The following CMC2 variants were observed in gnomAD, a reference collection of about 807,000 sequenced individuals.
CMC2 encodes C-X9-C motif containing 2.
Under a neutral mutation model 7.5 loss-of-function variants are expected in CMC2, and 5 were observed. The observed-to-expected ratio is 0.66, with a 90% CI of 0.35 to 1.40. The LOEUF is 1.40. Among genes scored for constraint, CMC2 ranks in the 40% most tolerant of loss-of-function variants. The probability of loss-of-function intolerance (pLI) is 0.04; values close to 1 mark genes in which losing one functional copy is unlikely to be tolerated. For synonymous variants in CMC2, 37 were observed against 31.4 expected (o/e 1.18, Z -0.60); for missense variants, 115 against 92.3 (o/e 1.25, Z -1.01).
At chr16:80,978,878 A>G (rs144722172) in intron 3 of CMC2, among the ~76,000 whole-genome samples, 123 of 152,226 alleles carry the variant, frequency 8.1e-4, no homozygotes, top group South Asian at 1.9e-3. Context: ...TCAGAAGATC[A>G]AGACCATCCT....
rs138889800 is a variant in CMC2, at chr16:80,978,808, G to A, written c.154-2629C>T. On this transcript the variant is annotated intron_variant, in intron 3 of 3. Coordinates refer to ENST00000219400, the MANE Select transcript of CMC2 (RefSeq NM_020188.5). Reference sequence around the variant, plus strand: ...CTTAAAAGCTTCATGGAGGCTGGGCGCAGTGGCTCACGCCTGTAACCCCAG... The same window carrying A: ...CTTAAAAGCTTCATGGAGGCTGGGCACAGTGGCTCACGCCTGTAACCCCAG... Among the ~76,000 whole-genome samples the A allele has an allele frequency of 2.7e-3, 414 of 152,264 alleles. 4 individuals carry two copies. Among genetic ancestry groups the A allele is most frequent in the African/African-American group, 9.1e-3 (377 of 41,550 alleles).
Position 80,969,957 on chromosome 16 carries a change from T to C in CMC2, c.*6136A>G, listed in dbSNP as rs1466611477. 2 of 152,118 alleles carry C rather than the reference T, an allele frequency of 1.3e-5. No individual in the cohort carries two copies. The highest frequency in any genetic ancestry group is 2.4e-5 in the African/African-American group (1 of 41,416). The allele number at this position is 152,118 out of a possible 1,614,324, so 9.4% of individuals were successfully genotyped here. On this transcript the variant is annotated 3_prime_UTR_variant, in exon 4 of 4. Coordinates refer to ENST00000219400, the MANE Select transcript of CMC2 (RefSeq NM_020188.5). ...ACTTCCTTAGGAATCTGCTGGAAAA[T>C]GAGGCTCAGACAACCAAAATGACTA...
chr16:80,971,584 A>ATATATATATATATATGTG lies in CMC2; in HGVS notation c.*4508_*4509insCACATATATATATATATA. ...ACATTTTATATATATATATATATATATGTATGAAATCATGCATATATATAT... is the reference window on the plus strand; with the variant it reads ...ACATTTTATATATATATATATATATATATATATATATATATGTGTGTATGAAATCATGCATATATATAT... On this transcript the variant is annotated 3_prime_UTR_variant, in exon 4 of 4. Transcript: ENST00000219400. 7.2e-6 allele frequency: 1 copy of ATATATATATATATATGTG among 139,580 alleles called. No individual in the cohort carries two copies. Among genetic ancestry groups the ATATATATATATATATGTG allele is most frequent in the Admixed American group, 7.0e-5 (1 of 14,248 alleles). The allele number at this position is 139,580 out of a possible 1,614,324, so 8.6% of individuals were successfully genotyped here.
intron 2 of CMC2, among the ~76,000 whole-genome samples, chr16:80,993,398 A>G (rs2549859): frequency 0.65 from 98,986 of 151,902 alleles, 34,013 homozygotes; most frequent in South Asian, 0.8. Flanking sequence ...CGTCAGAGGA[A>G]TTCGGGCAGG....
Position 80,976,195 on chromosome 16 carries a change from AGG to A in CMC2, c.154-18_154-17del. 2 of 1,415,314 alleles carry A rather than the reference AGG, an allele frequency of 1.4e-6. No individual in the cohort carries two copies. The highest frequency in any genetic ancestry group is 2.0e-6 in the Non-Finnish European group (2 of 1,016,526). 87.7% of individuals were successfully genotyped at this position (1,415,314 alleles called of 1,614,324 possible). A position where few individuals can be genotyped will look rare whatever the true frequency, so the allele number is the denominator to read the frequency against. The stretch of plus-strand genomic sequence containing the variant: ...TTTCTACGTACTGAAAAATAAAAGA[AGG>A]GGGGGAGAAAAGAAACAGCAGATTA... On this transcript the variant is annotated splice_polypyrimidine_tract_variant and intron_variant, in intron 3 of 3. Transcript: ENST00000219400.
At chr16:80,991,873 T>A in intron 2 of CMC2, 1 of 450,546 alleles carries the variant, frequency 2.2e-6, no homozygotes, top group Non-Finnish European at 4.5e-6. Flanking sequence ...CCTTTTCGGG[T>A]CATCAAAAAC....
intron 2 of CMC2, among the ~76,000 whole-genome samples, chr16:80,994,256 C>T (rs956254457): frequency 1.3e-5 from 2 of 151,724 alleles, no homozygotes; most frequent in African/African-American, 2.4e-5. Flanking sequence ...TAACTTGAAA[C>T]GAATCATAGA....
rs1211890109 is a variant in CMC2 at position 80,966,834 on chromosome 16, C to T, written c.*9259G>A. ...CACCATATAGTCATACATACAGACA[C>T]ACGAAATCTTCATTCCTTTGTATAG... is the stretch of plus-strand genomic sequence containing the variant. On this transcript the variant is annotated 3_prime_UTR_variant, in exon 4 of 4. Coordinates refer to ENST00000219400, the MANE Select transcript of CMC2 (RefSeq NM_020188.5). The T allele has an allele frequency of 6.6e-6, 1 of 152,138 alleles. No individual in the cohort carries two copies. The highest frequency in any genetic ancestry group is 1.9e-4 in the East Asian group (1 of 5,196). The allele number at this position is 152,138 out of a possible 1,614,324, so 9.4% of individuals were successfully genotyped here.
intron 2 of CMC2, among the ~76,000 whole-genome samples, chr16:80,995,630 T>C (rs1187411875): frequency 2.0e-5 from 3 of 152,024 alleles, no homozygotes; most frequent in African/African-American, 4.8e-5. Context: ...ACACTCTAGG[T>C]TGGGTGACAG....
chr16:81,006,616 TG>T, intron 1 of CMC2, 117 bp downstream of exon 1: 2 of 778,570 alleles, frequency 2.6e-6, no homozygotes, highest in Non-Finnish European at 3.1e-6. Context: ...CGGGTCTTCC[TG>T]GTCCCCACCT....
At chr16:80,979,819 A>G (rs967037445) in intron 3 of CMC2, among the ~76,000 whole-genome samples, 1 of 151,758 alleles carries the variant, frequency 6.6e-6, no homozygotes. Context: ...GCTGGGTTTC[A>G]CCATGTTGGC....
intron 2 of CMC2, among the ~76,000 whole-genome samples, chr16:80,992,836 C>A (rs1188879870): frequency 6.6e-6 from 1 of 151,850 alleles, no homozygotes; most frequent in East Asian, 1.9e-4. Flanking sequence ...GGACTACAGG[C>A]ATGTGCCATG....
chr16:80,989,724 T>C (rs760386447), intron 2 of CMC2, among the ~76,000 whole-genome samples: 3 of 152,226 alleles, frequency 2.0e-5, no homozygotes, highest in South Asian at 4.1e-4. Flanking sequence ...CTTATATATA[T>C]TGAAAACCAT....
intron 2 of CMC2, among the ~76,000 whole-genome samples, chr16:80,989,381 T>C (rs1179564528): frequency 6.6e-6 from 1 of 152,244 alleles, no homozygotes; most frequent in Non-Finnish European, 1.5e-5. Context: ...CATGGATCCT[T>C]ATTCAATTGA....
chr16:80,997,728 A>G (rs1334637649), intron 1 of CMC2: 9 of 180,394 alleles, frequency 5.0e-5, no homozygotes, highest in Admixed American at 1.8e-4. Flanking sequence ...TTATATTAAT[A>G]AGCCTGACTT....
chr16:80,971,106 G>A lies in CMC2; in HGVS notation c.*4987C>T, dbSNP rs886849158. 6.6e-6 allele frequency: 1 copy of A among 152,174 alleles called. No individual in the cohort carries two copies. Among genetic ancestry groups the A allele is most frequent in the Non-Finnish European group, 1.5e-5 (1 of 68,032 alleles). The allele number at this position is 152,174 out of a possible 1,614,324, so 9.4% of individuals were successfully genotyped here. On this transcript the variant is annotated 3_prime_UTR_variant, in exon 4 of 4. Transcript: ENST00000219400. ...GCTGAGATCATACCACTGCACTCCA[G>A]CCTGGGTGACAGGGTGAGACTCTGT... is the stretch of plus-strand genomic sequence containing the variant.
At chr16:80,982,451 G>C (rs1967193440) in intron 2 of CMC2, 1 of 144,884 alleles carries the variant, frequency 6.9e-6, no homozygotes. Flanking sequence ...GGAGGATGTA[G>C]TGAGTCGAGA....
At chr16:81,001,225 C>T (rs919701264) in intron 1 of CMC2, 19 of 152,128 alleles carry the variant, frequency 1.2e-4, no homozygotes, top group African/African-American at 4.6e-4. Context: ...GCTGAAAAAC[C>T]ATTAGGTACT....
chr16:80,984,783 A>C (rs930428314), intron 2 of CMC2, among the ~76,000 whole-genome samples: 1 of 152,234 alleles, frequency 6.6e-6, no homozygotes, highest in Non-Finnish European at 1.5e-5. Context: ...TAATTCAAAA[A>C]TCCATGACAA....
Sources: allele counts gnomAD v4.1 joint callset (sites outside exome capture counted in the v4.1 genomes callset), GRCh38; gene constraint gnomAD v4.1.1; transcripts MANE v1.5; gene names NCBI Gene and HGNC (gene_info 2026-07-23, HGNC 2026-07-21).